Variants in TRIOBP observed in about 807,000 individuals in gnomAD.
TRIOBP encodes the protein TRIO and F-actin-binding protein.
Under a neutral mutation model 238.8 loss-of-function variants are expected in TRIOBP, and 169 were observed. That is an observed-to-expected ratio of 0.71 (90% confidence interval 0.62 to 0.80). TRIOBP has a LOEUF of 0.80. Among genes scored for constraint, TRIOBP ranks in the 30% least tolerant of loss-of-function variants. TRIOBP has a pLI of 0.00. For synonymous variants in TRIOBP, 1,150 were observed against 1,274.4 expected (o/e 0.90, Z 2.08); for missense variants, 2,838 against 3,122.6 (o/e 0.91, Z 2.17).
chr22:37,766,921 A>G (rs1385556065), intron 18 of TRIOBP, among the ~76,000 whole-genome samples: 2 of 148,688 alleles, frequency 1.3e-5, no homozygotes, highest in African/African-American at 2.5e-5. Flanking sequence ...AGATTGCACC[A>G]CTGCACTCCA....
chr22:37,738,579 G>A (rs1278349514), intron 9 of TRIOBP, 63 bp from the exon 10 acceptor site: 1 of 1,493,658 alleles, frequency 6.7e-7, no homozygotes, highest in Non-Finnish European at 9.3e-7. Context: ...TGGATGAGGT[G>A]GACAGATGCA....
chr22:37,769,008 C>T lies in TRIOBP; in HGVS notation c.6576-20C>T, dbSNP rs778067149. 1 of 1,613,082 alleles carries T rather than the reference C, an allele frequency of 6.2e-7. No individual in the cohort carries two copies. The highest frequency in any genetic ancestry group is 8.5e-7 in the Non-Finnish European group (1 of 1,180,018). On this transcript the variant is annotated intron_variant, in intron 19 of 23. Transcript: ENST00000644935. ...GGAGCAAGACAACCTATGCTCTCCTCTGCTCCTCCTCTGGGGCAGGTCAGA... is the reference window on the plus strand; with the variant it reads ...GGAGCAAGACAACCTATGCTCTCCTTTGCTCCTCCTCTGGGGCAGGTCAGA...
At chr22:37,730,434 T>C (rs1924367577) in intron 7 of TRIOBP, among the ~76,000 whole-genome samples, 1 of 152,114 alleles carries the variant, frequency 6.6e-6, no homozygotes, top group African/African-American at 2.4e-5. Flanking sequence ...GTATGGAAAA[T>C]GCATCCATCC....
chr22:37,751,895 G>C (rs1455663018), intron 12 of TRIOBP, 67 bp downstream of exon 12: 10 of 1,568,378 alleles, frequency 6.4e-6, no homozygotes, highest in Non-Finnish European at 7.0e-6. Context: ...GGGCAGCCCA[G>C]GAGTGGGGGT....
intron 15 of TRIOBP, among the ~76,000 whole-genome samples, chr22:37,757,183 G>A (rs1925968905): frequency 6.6e-6 from 1 of 152,048 alleles, no homozygotes; most frequent in African/African-American, 2.4e-5. Context: ...GCAATATATT[G>A]AGACCCCATC....
chr22:37,723,197 G>A lies in TRIOBP; in HGVS notation c.641G>A (p.Gly214Glu), dbSNP rs777740613. The A allele has an allele frequency of 1.2e-6, 2 of 1,613,822 alleles. No individual in the cohort carries two copies. The change falls in exon 7 of 24, where the codon GGG becomes GAG. Residue 214 changes from glycine to glutamate, a missense_variant. Gly to Glu is a moderately conservative substitution (Grantham distance 98, BLOSUM62 -2). This residue lies in a region of TRIOBP where 535 missense variants were observed against 537.3 expected (regional missense o/e 1.00). Coordinates refer to ENST00000644935, the MANE Select transcript of TRIOBP (RefSeq NM_001039141.3). ...AGQKKEDTGG[G>E]GRSAGQHWAR... ...CTTCTCTCTCCAGACACCGGCGGTGGGGGCCGGAGCGCAGGACAGCACTGG... is the reference window on the plus strand; with the variant it reads ...CTTCTCTCTCCAGACACCGGCGGTGAGGGCCGGAGCGCAGGACAGCACTGG...
At chr22:37,712,502 T>C (rs1923303119) in intron 4 of TRIOBP, among the ~76,000 whole-genome samples, 1 of 152,076 alleles carries the variant, frequency 6.6e-6, no homozygotes, top group South Asian at 2.1e-4. Context: ...GCCCATCTAA[T>C]TTTTTTATTT....
Position 37,734,763 on chromosome 22 carries a change from C to T in TRIOBP, c.4427C>T (p.Ala1476Val), listed in dbSNP as rs1244905946. The change falls in exon 9 of 24, where the codon GCA becomes GTA. Residue 1476 changes from alanine (A) to valine (V), a missense_variant. Ala to Val is a moderately conservative substitution (Grantham distance 64, BLOSUM62 0). This residue lies in a region of TRIOBP where 2,096 missense variants were observed against 2,137.4 expected (regional missense o/e 0.98). Transcript: ENST00000644935. Reference sequence around the variant, plus strand: ...GGGGCAGCCAAAGCCCCGGAGGGAGCATGGGGGGGCACTTCCAGGGAGTAC... The same window carrying T: ...GGGGCAGCCAAAGCCCCGGAGGGAGTATGGGGGGGCACTTCCAGGGAGTAC... ...SLGAAKAPEG[A>V]WGGTSREYKE... 1 of 1,612,044 alleles carries T rather than the reference C, an allele frequency of 6.2e-7. No individual in the cohort carries two copies. The highest frequency in any genetic ancestry group is 8.5e-7 in the Non-Finnish European group (1 of 1,179,602).
chr22:37,707,008 C>T (rs1922977875), intron 3 of TRIOBP, among the ~76,000 whole-genome samples: 1 of 152,178 alleles, frequency 6.6e-6, no homozygotes, highest in African/African-American at 2.4e-5. Context: ...TGGCTCACGC[C>T]TGTAATCCCA....
At chr22:37,745,562 A>G (rs1925179686) in intron 11 of TRIOBP, among the ~76,000 whole-genome samples, 3 of 152,092 alleles carry the variant, frequency 2.0e-5, no homozygotes, top group Admixed American at 2.0e-4. Flanking sequence ...CAAACCAAAA[A>G]AGACCCATTT....
chr22:37,697,197 T>C (rs1922393989), intron 1 of TRIOBP, 108 bp downstream of exon 1: 1 of 151,720 alleles, frequency 6.6e-6, no homozygotes, highest in Non-Finnish European at 1.5e-5. Context: ...ATGGAGAGGG[T>C]CCCGGGTCCA....
intron 12 of TRIOBP, among the ~76,000 whole-genome samples, chr22:37,752,398 C>A (rs765601926): frequency 6.6e-6 from 1 of 152,216 alleles, no homozygotes; most frequent in Non-Finnish European, 1.5e-5. Context: ...AGCTAAAGAC[C>A]CTTCCCTTCC....
Position 37,704,638 on chromosome 22 carries a change from G to C in TRIOBP, c.114+3159G>C, listed in dbSNP as rs190427941. On this transcript the variant is annotated intron_variant, in intron 3 of 23. Coordinates refer to ENST00000644935, the MANE Select transcript of TRIOBP (RefSeq NM_001039141.3). ...GTAAGTGGCATGAAGGTAAAGGATA[G>C]GGCATTAGGGAAAGTTTCTCCAAAA... Among the ~76,000 whole-genome samples, 20 of 151,848 alleles carry C rather than the reference G, an allele frequency of 1.3e-4. No individual in the cohort carries two copies. The East Asian group carries it at 3.9e-3, about 29-fold the overall frequency.
chr22:37,737,392 T>G (rs1467682356), intron 9 of TRIOBP, among the ~76,000 whole-genome samples: 1 of 152,078 alleles, frequency 6.6e-6, no homozygotes, highest in Non-Finnish European at 1.5e-5. Flanking sequence ...CTGGGTGCAG[T>G]GGCTCACATC....
chr22:37,733,048 G>A (rs1331748438), intron 7 of TRIOBP, among the ~76,000 whole-genome samples: 4 of 152,192 alleles, frequency 2.6e-5, no homozygotes, highest in Non-Finnish European at 4.4e-5. Context: ...CCACCCAACC[G>A]CCTCTACTCC....
chr22:37,730,883 G>A (rs1174966615), intron 7 of TRIOBP, among the ~76,000 whole-genome samples: 2 of 150,548 alleles, frequency 1.3e-5, no homozygotes, highest in Non-Finnish European at 3.0e-5. Context: ...GAAGGCGGAG[G>A]TTGCAGTGAG....
chr22:37,733,753 C>T (rs1260562236), intron 8 of TRIOBP, among the ~76,000 whole-genome samples: 2 of 149,814 alleles, frequency 1.3e-5, no homozygotes, highest in African/African-American at 4.9e-5. Flanking sequence ...TCACTGCAAC[C>T]TCTGCCTCCC....
chr22:37,707,321 TGCCTCTTCCA>T (rs1922997710), intron 3 of TRIOBP, among the ~76,000 whole-genome samples: 1 of 152,110 alleles, frequency 6.6e-6, no homozygotes, highest in Admixed American at 6.6e-5. Context: ...AGATGGCAAC[TGCCTCTTCCA>T]GCCTCTTCCA....
At chr22:37,741,684 G>C (rs1924942882) in intron 11 of TRIOBP, among the ~76,000 whole-genome samples, 1 of 152,232 alleles carries the variant, frequency 6.6e-6, no homozygotes, top group Non-Finnish European at 1.5e-5. Flanking sequence ...CTCAGAGACA[G>C]TGTGCCCATT....
Sources: allele counts gnomAD v4.1 joint callset (sites outside exome capture counted in the v4.1 genomes callset), GRCh38; gene constraint gnomAD v4.1.1; regional missense constraint gnomAD v4.1.1; transcripts MANE v1.5; gene names NCBI Gene and HGNC (gene_info 2026-07-23, HGNC 2026-07-21).